FMN1: variants seen among roughly 807,000 people sequenced by gnomAD.
FMN1 encodes formin-1.
In FMN1, 110 loss-of-function variants were observed where a neutral mutation model predicts 132.4. The observed-to-expected ratio is 0.83, with a 90% CI of 0.71 to 0.97. The LOEUF (loss-of-function observed/expected upper bound fraction) is 0.97. Ranked by LOEUF, FMN1 falls within the 50% of genes least tolerant of loss-of-function variation. The pLI is 0.00. For missense variants in FMN1, 1,792 were observed against 1,705.3 expected (o/e 1.05, Z -0.90); for synonymous variants, 722 against 651.7 (o/e 1.11, Z -1.64).
chr15:32,924,287 C>G (rs553747929), intron 10 of FMN1, among the ~76,000 whole-genome samples: 2 of 152,166 alleles, frequency 1.3e-5, no homozygotes, highest in South Asian at 2.1e-4. Flanking sequence ...AGCTTAAATA[C>G]GATACAGCTT....
At chr15:32,987,541 T>C (rs571823744) in intron 7 of FMN1, among the ~76,000 whole-genome samples, 1 of 152,244 alleles carries the variant, frequency 6.6e-6, no homozygotes, top group Non-Finnish European at 1.5e-5. Context: ...CATATGAAAC[T>C]GATTAGGAGG....
At chr15:32,802,723 G>A (rs996526763) in intron 18 of FMN1, among the ~76,000 whole-genome samples, 7 of 152,142 alleles carry the variant, frequency 4.6e-5, no homozygotes, top group East Asian at 1.9e-4. Context: ...TTTGACATCC[G>A]CCCCAGAAGC....
chr15:32,893,135 A>C (rs776232278), intron 15 of FMN1, among the ~76,000 whole-genome samples: 1 of 152,204 alleles, frequency 6.6e-6, no homozygotes, highest in Non-Finnish European at 1.5e-5. Context: ...TAGGGATACT[A>C]GGATACAGTA....
chr15:33,066,884 T>A, intron 5 of FMN1: 1 of 1,613,922 alleles, frequency 6.2e-7, no homozygotes, highest in Non-Finnish European at 8.5e-7. Context: ...GGCCTTCGGA[T>A]CAGTTGCTTT....
chr15:32,924,070 CT>C (rs1367239760), intron 10 of FMN1, among the ~76,000 whole-genome samples: 3 of 152,176 alleles, frequency 2.0e-5, no homozygotes, highest in East Asian at 1.9e-4. Flanking sequence ...TTTTGTTTTT[CT>C]TTTTTTCCCT....
intron 6 of FMN1, among the ~76,000 whole-genome samples, chr15:33,045,673 C>G (rs1004740236): frequency 9.2e-5 from 14 of 152,174 alleles, no homozygotes; most frequent in African/African-American, 3.4e-4. Flanking sequence ...TGGCTTGGAT[C>G]CAGTTAGAGG....
At chr15:32,891,231 T>C (rs1353484241) in intron 15 of FMN1, among the ~76,000 whole-genome samples, 2 of 152,178 alleles carry the variant, frequency 1.3e-5, no homozygotes, top group Admixed American at 1.3e-4. Flanking sequence ...TGGGTTCTTT[T>C]ATGGTTCCGT....
intron 7 of FMN1, among the ~76,000 whole-genome samples, chr15:32,969,960 A>C (rs2031641763): frequency 6.6e-6 from 1 of 152,242 alleles, no homozygotes; most frequent in South Asian, 2.1e-4. Flanking sequence ...AGGACAATAC[A>C]GCAGACACAG....
intron 6 of FMN1, among the ~76,000 whole-genome samples, chr15:33,013,686 A>G (rs1459871902): frequency 3.9e-5 from 6 of 152,234 alleles, no homozygotes; most frequent in Non-Finnish European, 8.8e-5. Context: ...AATTCATAAA[A>G]TAAGAAGCAG....
At chr15:33,095,483 C>CCAA (rs1413256554) in intron 4 of FMN1, among the ~76,000 whole-genome samples, 1 of 152,146 alleles carries the variant, frequency 6.6e-6, no homozygotes, top group Non-Finnish European at 1.5e-5. Flanking sequence ...GTAGCCTTGG[C>CCAA]CTCCTGTGCT....
chr15:33,111,427 C>G (rs970381882), intron 4 of FMN1, among the ~76,000 whole-genome samples: 25 of 152,150 alleles, frequency 1.6e-4, no homozygotes, highest in African/African-American at 5.8e-4. Context: ...GGCATTTCCT[C>G]AAAAGGTTAA....
At chr15:33,115,880 A>G (rs2039904685) in intron 4 of FMN1, among the ~76,000 whole-genome samples, 2 of 152,110 alleles carry the variant, frequency 1.3e-5, no homozygotes, top group Admixed American at 1.3e-4. Context: ...GGAATTCTCC[A>G]CCACCTTTAC....
At chr15:33,174,362 C>G (rs1965438803) in intron 3 of FMN1, among the ~76,000 whole-genome samples, 1 of 152,106 alleles carries the variant, frequency 6.6e-6, no homozygotes, top group Admixed American at 6.6e-5. Context: ...CTCTCAGATT[C>G]CAATCCATTA....
At position 32,988,812 on chromosome 15, in the gene FMN1, A is replaced by G. The variant is rs554738326; in HGVS notation, c.2223+19202T>C. 2.4e-4 allele frequency among the ~76,000 whole-genome samples: 37 copies of G among 152,276 alleles called. 1 individual carries two copies. The highest frequency in any genetic ancestry group is 2.3e-3 in the Admixed American group (35 of 15,296). ...GAGAACCATTAAGCTAGATTCTAAG[A>G]CCAACTCTTTTACCCTTTAGCTCCC... On this transcript the variant is annotated intron_variant, in intron 7 of 20. Coordinates refer to ENST00000616417, the MANE Select transcript of FMN1 (RefSeq NM_001277313.2).
chr15:33,128,344 A>C (rs1963320001), intron 4 of FMN1, among the ~76,000 whole-genome samples: 1 of 152,142 alleles, frequency 6.6e-6, no homozygotes, highest in Admixed American at 6.5e-5. Context: ...TCCGGGCCTG[A>C]TCCTTGACGA....
chr15:33,153,580 C>A lies in FMN1; in HGVS notation c.1335G>T (p.Thr445=). 1 of 1,536,252 alleles carries A rather than the reference C, an allele frequency of 6.5e-7. No homozygotes were observed. The highest frequency in any genetic ancestry group is 8.7e-7 in the Non-Finnish European group (1 of 1,146,938). The change falls in exon 4 of 21, where the codon ACG becomes ACT. Residue 445 remains threonine, a synonymous_variant. Transcript: ENST00000616417. ...EGKRLGFPVH[T]SVPHTRPETR... is the part of the protein sequence containing the mutation. ...TTTCTGGGCGAGTGTGAGGGACACT[C>A]GTGTGGACAGGGAAGCCCAGTCTTT...
chr15:32,840,598 G>C (rs2058725053), intron 17 of FMN1, among the ~76,000 whole-genome samples: 1 of 152,196 alleles, frequency 6.6e-6, no homozygotes, highest in Non-Finnish European at 1.5e-5. Flanking sequence ...GCAAGTTCCA[G>C]GGATCTCAGA....
chr15:32,919,375 C>G (rs1320754758), intron 10 of FMN1, among the ~76,000 whole-genome samples: 1 of 152,060 alleles, frequency 6.6e-6, no homozygotes, highest in South Asian at 2.1e-4. Flanking sequence ...CAAATGGCAC[C>G]CGCCAAGAAG....
At chr15:33,151,555 A>G (rs966815885) in intron 4 of FMN1, among the ~76,000 whole-genome samples, 1 of 152,212 alleles carries the variant, frequency 6.6e-6, no homozygotes, top group African/African-American at 2.4e-5. Flanking sequence ...TATTTTTCAA[A>G]TAGAAAAAGG....
Sources: allele counts gnomAD v4.1 joint callset (sites outside exome capture counted in the v4.1 genomes callset), GRCh38; gene constraint gnomAD v4.1.1; transcripts MANE v1.5; gene names NCBI Gene and HGNC (gene_info 2026-07-23, HGNC 2026-07-21).